Variants in ANO1 observed in about 807,000 individuals in gnomAD.
ANO1 encodes the protein anoctamin-1.
In ANO1, 59 loss-of-function variants were observed where a neutral mutation model predicts 124.0. That is an observed-to-expected ratio of 0.48 (90% CI 0.39 to 0.59). The LOEUF is 0.59. ANO1 is among the 20% of genes least tolerant of loss of function. The probability of loss-of-function intolerance (pLI) is 0.00; values close to 1 mark genes in which losing one functional copy is unlikely to be tolerated. For missense variants in ANO1, 1,059 were observed against 1,328.0 expected (o/e 0.80, Z 3.15); for synonymous variants, 529 against 532.0 (o/e 0.99, Z 0.08).
At chr11:70,145,575 TAC>T (rs1024899235) in intron 11 of ANO1, among the ~76,000 whole-genome samples, 1 of 151,272 alleles carries the variant, frequency 6.6e-6, no homozygotes, top group African/African-American at 2.4e-5. Flanking sequence ...CTGGCCAATC[TAC>T]AGACACCTCC....
At chr11:70,136,264 G>T (rs2046951234) in intron 11 of ANO1, among the ~76,000 whole-genome samples, 1 of 152,176 alleles carries the variant, frequency 6.6e-6, no homozygotes, top group East Asian at 1.9e-4. Context: ...CAGCAGCTCT[G>T]GGCTTGTCGG....
chr11:70,079,235 C>T (rs76552658), intron 1 of ANO1, among the ~76,000 whole-genome samples: 14,745 of 152,216 alleles, frequency 0.097, 1,013 homozygotes, highest in Admixed American at 0.19. Context: ...CCCGAGTCCT[C>T]ACTTGCCAGA....
intron 12 of ANO1, among the ~76,000 whole-genome samples, chr11:70,150,874 T>G (rs755979070): frequency 3.3e-5 from 5 of 152,220 alleles, no homozygotes; most frequent in Admixed American, 6.5e-5. Flanking sequence ...TTTTTTTAAC[T>G]TTTCTATTGT....
intron 18 of ANO1, 136 bp from the exon 19 acceptor site, chr11:70,163,147 C>A: frequency 1.2e-6 from 1 of 842,924 alleles, no homozygotes; most frequent in Non-Finnish European, 1.8e-6. Flanking sequence ...ATGCACCAGG[C>A]AGGGAGAGCC....
intron 1 of ANO1, among the ~76,000 whole-genome samples, chr11:70,073,205 G>A (rs2044003775): frequency 6.6e-6 from 1 of 151,194 alleles, no homozygotes; most frequent in Admixed American, 6.7e-5. Flanking sequence ...TCCCGCTGCG[G>A]GGAGTCCGAC....
rs192577843 is a variant in ANO1 at position 70,044,803 on chromosome 11, C to T, written c.59-33739C>T. Among the ~76,000 whole-genome samples the T allele has an allele frequency of 7.9e-5, 12 of 152,152 alleles. No homozygotes were observed. The South Asian group carries it at 1.0e-3, about 13-fold the overall frequency. ...ACGATGATAAAGGCTGAAACTGTTC[C>T]GGATTAACAGAGACTAAGAAGACAT... is the stretch of plus-strand genomic sequence containing the variant. On this transcript the variant is annotated intron_variant, in intron 1 of 27. Transcript: ENST00000531349.
chr11:70,106,166 G>A (rs1435822838), intron 5 of ANO1, among the ~76,000 whole-genome samples: 1 of 152,192 alleles, frequency 6.6e-6, no homozygotes, highest in African/African-American at 2.4e-5. Flanking sequence ...GCAGGCAGGT[G>A]TGGGCAGGAG....
intron 1 of ANO1, among the ~76,000 whole-genome samples, chr11:70,037,732 G>A (rs782789641): frequency 2.0e-5 from 3 of 152,092 alleles, no homozygotes; most frequent in Non-Finnish European, 2.9e-5. Context: ...CAGGAAACCC[G>A]GTTTTTTCTG....
chr11:70,095,398 G>GA lies in ANO1; in HGVS notation c.441+7317dup, dbSNP rs1340182563. On this transcript the variant is annotated intron_variant, in intron 2 of 25. Coordinates refer to ENST00000355303, the MANE Select transcript of ANO1 (RefSeq NM_018043.7). ...AGAAAGAAAGAAAGAAAGAAAGAAA[G>GA]AAAGAAAGAAAGAAAGAAAGAAAGA... Among the ~76,000 whole-genome samples, 59 of 45,236 alleles carry GA rather than the reference G, an allele frequency of 1.3e-3. 2 individuals are homozygous for GA. The highest frequency in any genetic ancestry group is 5.6e-3 in the Admixed American group (20 of 3,564). 29.7% of individuals were successfully genotyped at this position (45,236 alleles called of 152,430 possible).
chr11:70,127,964 G>C (rs2046589596), intron 10 of ANO1, among the ~76,000 whole-genome samples: 1 of 152,170 alleles, frequency 6.6e-6, no homozygotes, highest in Admixed American at 6.5e-5. Flanking sequence ...ATGTTAGTTT[G>C]GTTATTTTTC....
chr11:70,184,067 C>T (rs1297942732), intron 24 of ANO1, among the ~76,000 whole-genome samples: 1 of 152,188 alleles, frequency 6.6e-6, no homozygotes, highest in Non-Finnish European at 1.5e-5. Context: ...TCCTAGCCTC[C>T]CCGACTGACC....
intron 20 of ANO1, 99 bp downstream of exon 20, chr11:70,165,669 C>T (rs1223820608): frequency 2.2e-6 from 2 of 921,688 alleles, no homozygotes; most frequent in African/African-American, 1.7e-5. Context: ...GGGGCCTCAA[C>T]CAAGATGGGG....
the ANO1 span, among the ~76,000 whole-genome samples, chr11:69,966,970 C>A: frequency 6.6e-6 from 1 of 152,116 alleles, no homozygotes; most frequent in Non-Finnish European, 1.5e-5. Flanking sequence ...TGCAGGGGGA[C>A]AATTCTTCAT....
At chr11:70,103,255 T>C in intron 3 of ANO1, 91 bp downstream of exon 3, 3 of 1,040,802 alleles carry the variant, frequency 2.9e-6, no homozygotes, top group Non-Finnish European at 4.1e-6. Context: ...CTCGAGGCCC[T>C]GAGTTTTATA....
intron 11 of ANO1, among the ~76,000 whole-genome samples, chr11:70,132,600 TG>T (rs1172765595): frequency 6.6e-6 from 1 of 152,216 alleles, no homozygotes; most frequent in Non-Finnish European, 1.5e-5. Context: ...TGATTGCCAC[TG>T]GGCTCCACTG....
Position 70,011,041 on chromosome 11 carries a change from T to C in ANO1, c.58+24875T>C, listed in dbSNP as rs115571681. ...TAGAATATACAAGGGATGTGCCCAG[T>C]GCCATGATTTGGTTGGGGGAGAGTC... On this transcript the variant is annotated intron_variant, in intron 1 of 27. Coordinates refer to the ANO1 transcript ENST00000531349. Among the ~76,000 whole-genome samples, 568 of 152,298 alleles carry C rather than the reference T, an allele frequency of 3.7e-3. 5 individuals carry two copies. The highest frequency in any genetic ancestry group is 0.013 in the African/African-American group (540 of 41,552).
intron 1 of ANO1, among the ~76,000 whole-genome samples, chr11:70,079,064 G>C (rs1358243216): frequency 1.3e-5 from 2 of 152,156 alleles, no homozygotes; most frequent in African/African-American, 2.4e-5. Flanking sequence ...CTGGCGCCCT[G>C]GATGGGACCT....
chr11:70,098,163 T>G (rs2515287), intron 2 of ANO1, among the ~76,000 whole-genome samples: 139,794 of 152,288 alleles, frequency 0.92, 64,273 homozygotes, highest in Middle Eastern at 0.94. Flanking sequence ...GTCAGAAGAG[T>G]CCTGTGCCTT....
chr11:70,181,831 T>C (rs2048940707), intron 23 of ANO1, among the ~76,000 whole-genome samples: 1 of 150,956 alleles, frequency 6.6e-6, no homozygotes, highest in Non-Finnish European at 1.5e-5. Flanking sequence ...CCTAGAATGT[T>C]CTAGAACCTT....
Sources: gnomAD v4.1 joint callset for allele counts (sites outside exome capture counted in the v4.1 genomes callset) on GRCh38, gnomAD v4.1.1 for gene constraint, MANE v1.5 for transcripts, NCBI Gene and HGNC (gene_info 2026-07-23, HGNC 2026-07-21) for gene names.